ALDH1A2: variants seen among roughly 807,000 people sequenced by gnomAD.
The protein encoded by ALDH1A2 is aldehyde dehydrogenase 1 family member A2, also known as retinal dehydrogenase 2.
A neutral mutation model predicts 60.3 loss-of-function variants in ALDH1A2; 27 were observed. That is an observed-to-expected ratio of 0.45 (90% confidence interval 0.33 to 0.62). The LOEUF is 0.62. Ranked by LOEUF, ALDH1A2 falls within the 20% of genes least tolerant of loss-of-function variation. The probability of loss-of-function intolerance (pLI) is 0.02; values close to 1 mark genes in which losing one functional copy is unlikely to be tolerated. For synonymous variants in ALDH1A2, 289 were observed against 232.4 expected (o/e 1.24, Z -2.21); for missense variants, 581 against 643.8 (o/e 0.90, Z 1.06).
At chr15:57,979,653 AAC>A (rs1483358913) in intron 7 of ALDH1A2, 1 of 188,378 alleles carries the variant, frequency 5.3e-6, no homozygotes, top group African/African-American at 2.4e-5. Flanking sequence ...AAAAGATGAA[AAC>A]ACAGAAAAAC....
intron 12 of ALDH1A2, among the ~76,000 whole-genome samples, chr15:57,956,789 A>C (rs1213381565): frequency 6.6e-6 from 1 of 151,376 alleles, no homozygotes; most frequent in African/African-American, 2.4e-5. Context: ...AAGTGAATTT[A>C]CTCCTTTGTT....
chr15:58,051,353 TTC>T (rs1368893498), intron 1 of ALDH1A2, among the ~76,000 whole-genome samples: 88 of 138,890 alleles, frequency 6.3e-4, no homozygotes, highest in African/African-American at 1.9e-3. Context: ...AAACTTAATT[TTC>T]TCTTTTTATT....
At chr15:58,051,773 T>C (rs1306476040) in intron 1 of ALDH1A2, among the ~76,000 whole-genome samples, 1 of 152,126 alleles carries the variant, frequency 6.6e-6, no homozygotes, top group Non-Finnish European at 1.5e-5. Flanking sequence ...CCAGATCTCT[T>C]AGGTCAGAGA....
intron 4 of ALDH1A2, among the ~76,000 whole-genome samples, chr15:58,002,373 G>A (rs184998574): frequency 3.7e-4 from 56 of 152,048 alleles, no homozygotes; most frequent in Admixed American, 3.7e-3. Flanking sequence ...ACACAGAAGA[G>A]AGAGAAATAT....
intron 7 of ALDH1A2, among the ~76,000 whole-genome samples, chr15:57,989,284 TTTATCATA>T (rs1894814462): frequency 6.6e-6 from 1 of 152,108 alleles, no homozygotes; most frequent in South Asian, 2.1e-4. Flanking sequence ...TGAAGGGATT[TTTATCATA>T]TTATATCATA....
In ALDH1A2 at chr15:57,954,418, C is replaced by G. The variant is rs1893447954; in HGVS notation, c.*779G>C. On this transcript the variant is annotated 3_prime_UTR_variant, in exon 13 of 13. Coordinates refer to ENST00000249750, the MANE Select transcript of ALDH1A2 (RefSeq NM_003888.4). ...CTATGAAAAACAACCCACTCCTTGCCTTATTCCAGAATAACTGAGAAGGAA... is the reference window on the plus strand; with the variant it reads ...CTATGAAAAACAACCCACTCCTTGCGTTATTCCAGAATAACTGAGAAGGAA... 6.5e-6 allele frequency: 1 copy of G among 152,844 alleles called. No homozygotes were observed. The highest frequency in any genetic ancestry group is 2.4e-5 in the African/African-American group (1 of 41,450). The allele number at this position is 152,844 out of a possible 1,614,324, so 9.5% of individuals were successfully genotyped here.
intron 1 of ALDH1A2, among the ~76,000 whole-genome samples, chr15:58,020,628 T>A (rs1206784980): frequency 6.6e-6 from 1 of 152,154 alleles, no homozygotes; most frequent in African/African-American, 2.4e-5. Context: ...CCTAATCCCG[T>A]CCTCCAGCTT....
intron 1 of ALDH1A2, among the ~76,000 whole-genome samples, chr15:58,020,863 G>A (rs901536294): frequency 2.6e-5 from 4 of 152,124 alleles, no homozygotes; most frequent in African/African-American, 7.2e-5. Flanking sequence ...TCCCATGGTG[G>A]TGGATTTATC....
chr15:58,033,622 TAACTC>T (rs1369709902), intron 1 of ALDH1A2, among the ~76,000 whole-genome samples: 1 of 151,818 alleles, frequency 6.6e-6, no homozygotes, highest in Non-Finnish European at 1.5e-5. Flanking sequence ...ATTTCTCAAT[TAACTC>T]AATATTAAAT....
chr15:57,964,156 T>C lies in ALDH1A2; in HGVS notation c.902-87A>G, dbSNP rs1047268885. ...CGCCTCCCTCCCCTCTCCAAAGCCC[T>C]AGGTATAGTGTGCTCACTGCATGAC... On this transcript the variant is annotated intron_variant, in intron 8 of 12. Coordinates refer to ENST00000249750, the MANE Select transcript of ALDH1A2 (RefSeq NM_003888.4). The C allele has an allele frequency of 1.2e-5, 18 of 1,445,412 alleles. No homozygotes were observed. The African/African-American group carries it at 1.5e-4, about 12-fold the overall frequency. 89.5% of individuals were successfully genotyped at this position (1,445,412 alleles called of 1,614,324 possible). A position where few individuals can be genotyped will look rare whatever the true frequency, so the allele number is the denominator to read the frequency against.
rs1352320809 is a variant in ALDH1A2, at chr15:57,965,483, C to A, written c.901+242G>T. ...GCCACTGACCAAGCCTTCATCTCATCCCCCTATTCTACAACATCACAGATT... is the reference window on the plus strand; with the variant it reads ...GCCACTGACCAAGCCTTCATCTCATACCCCTATTCTACAACATCACAGATT... On this transcript the variant is annotated intron_variant, in intron 8 of 12. Coordinates refer to ENST00000249750, the MANE Select transcript of ALDH1A2 (RefSeq NM_003888.4). Among the ~76,000 whole-genome samples, 5 of 152,216 alleles carry A rather than the reference C, an allele frequency of 3.3e-5. No individual in the cohort carries two copies. In the East Asian group the frequency reaches 9.6e-4, roughly 29 times the overall value.
chr15:58,050,105 G>T (rs1314953612), intron 1 of ALDH1A2, among the ~76,000 whole-genome samples: 1 of 151,878 alleles, frequency 6.6e-6, no homozygotes. Flanking sequence ...GTATGATTTT[G>T]AATTAGAAGG....
chr15:58,008,249 G>A (rs1202135953), intron 4 of ALDH1A2, among the ~76,000 whole-genome samples: 1 of 151,994 alleles, frequency 6.6e-6, no homozygotes, highest in Admixed American at 6.6e-5. Context: ...ACTTTTTGGG[G>A]AAAAACAGTT....
chr15:58,062,509 T>C (rs1897066340), intron 1 of ALDH1A2, among the ~76,000 whole-genome samples: 1 of 152,188 alleles, frequency 6.6e-6, no homozygotes. Flanking sequence ...TTATACAAAA[T>C]TATAAAAGTC....
chr15:57,962,306 C>G (rs536945713), intron 9 of ALDH1A2, 130 bp from the exon 10 acceptor site: 1 of 1,135,222 alleles, frequency 8.8e-7, no homozygotes, highest in Non-Finnish European at 1.3e-6. Context: ...TCATATAAAA[C>G]TGCTGTTACT....
At chr15:58,044,221 T>C (rs1896586629) in intron 1 of ALDH1A2, among the ~76,000 whole-genome samples, 1 of 151,964 alleles carries the variant, frequency 6.6e-6, no homozygotes, top group Admixed American at 6.6e-5. Flanking sequence ...ACATGTGCCA[T>C]GGTGGTTTGC....
At chr15:57,992,245 C>A (rs1448016514) in intron 7 of ALDH1A2, among the ~76,000 whole-genome samples, 1 of 152,112 alleles carries the variant, frequency 6.6e-6, no homozygotes, top group Non-Finnish European at 1.5e-5. Flanking sequence ...TACTATCTAG[C>A]CCTATACAGA....
chr15:58,006,574 T>G (rs184461000), intron 4 of ALDH1A2, among the ~76,000 whole-genome samples: 94 of 152,092 alleles, frequency 6.2e-4, no homozygotes, highest in Non-Finnish European at 1.0e-3. Flanking sequence ...CACTTTTAGT[T>G]CTTTAAGGAA....
chr15:57,997,625 T>C (rs954357417), intron 4 of ALDH1A2, among the ~76,000 whole-genome samples: 9 of 152,044 alleles, frequency 5.9e-5, no homozygotes, highest in South Asian at 2.1e-4. Context: ...CTACACATTT[T>C]ATGATGCTTA....
Sources: allele counts gnomAD v4.1 joint callset (sites outside exome capture counted in the v4.1 genomes callset), GRCh38; gene constraint gnomAD v4.1.1; transcripts MANE v1.5; gene names NCBI Gene and HGNC (gene_info 2026-07-23, HGNC 2026-07-21).